Variants in WT1 observed in about 807,000 individuals in gnomAD.
WT1 encodes the protein Wilms tumor protein.
In WT1, 8 loss-of-function variants were observed where a neutral mutation model predicts 60.8. The ratio of observed to expected loss-of-function variants is 0.13; its 90% CI spans 0.08 to 0.24. The LOEUF is 0.24. WT1 is among the 10% of genes least tolerant of loss of function. The probability of loss-of-function intolerance (pLI) is 1.00; values close to 1 mark genes in which losing one functional copy is unlikely to be tolerated. For synonymous variants in WT1, 312 were observed against 297.1 expected (o/e 1.05, Z -0.52); for missense variants, 568 against 711.8 (o/e 0.80, Z 2.30).
At chr11:32,428,126 G>T in intron 2 of WT1, 68 bp from the exon 3 acceptor site, 1 of 1,387,404 alleles carries the variant, frequency 7.2e-7, no homozygotes. Context: ...GCTGCGGGCA[G>T]GGGTTGGGGG....
At position 32,416,470 on chromosome 11, in the gene WT1, T is replaced by C. The variant is rs757572403; in HGVS notation, c.1016+20A>G. On this transcript the variant is annotated intron_variant, in intron 5 of 9. Transcript: ENST00000452863. Reference sequence around the variant, plus strand: ...AAGGCCTACGCCATTTGCTTTGCCATCTCCGCATTGTCCACTCACTTGCTC... The same window carrying C: ...AAGGCCTACGCCATTTGCTTTGCCACCTCCGCATTGTCCACTCACTTGCTC... 1 of 1,614,114 alleles carries C rather than the reference T, an allele frequency of 6.2e-7. No homozygotes were observed. The highest frequency in any genetic ancestry group is 8.5e-7 in the Non-Finnish European group (1 of 1,179,994).
chr11:32,413,230 A>C (rs535540612), intron 5 of WT1, among the ~76,000 whole-genome samples: 5 of 152,304 alleles, frequency 3.3e-5, no homozygotes, highest in Admixed American at 3.3e-4. Flanking sequence ...CATGAACCAA[A>C]TCACCAGTTT....
At chr11:32,420,676 T>C (rs1852825860) in intron 3 of WT1, among the ~76,000 whole-genome samples, 1 of 152,102 alleles carries the variant, frequency 6.6e-6, no homozygotes, top group African/African-American at 2.4e-5. Flanking sequence ...CTCATTACCA[T>C]TTATATAATA....
At chr11:32,430,799 G>T in intron 1 of WT1, 1 of 1,311,832 alleles carries the variant, frequency 7.6e-7, no homozygotes, top group Non-Finnish European at 9.7e-7. Context: ...CCCCGGGAGG[G>T]GCAGTGGTGA....
At chr11:32,396,057 G>A (rs1226068794) in intron 7 of WT1, among the ~76,000 whole-genome samples, 200 bp downstream of exon 7, 1 of 152,180 alleles carries the variant, frequency 6.6e-6, no homozygotes, top group African/African-American at 2.4e-5. Context: ...CTGGAAGACA[G>A]TTTACTGACC....
chr11:32,428,176 G>T, intron 2 of WT1, 118 bp from the exon 3 acceptor site: 1 of 1,025,076 alleles, frequency 9.8e-7, no homozygotes, highest in Non-Finnish European at 1.4e-6. Context: ...GGGCCTGGAT[G>T]AGCGGCGTGC....
intron 5 of WT1, among the ~76,000 whole-genome samples, chr11:32,409,112 T>C (rs1852415449): frequency 6.6e-6 from 1 of 152,222 alleles, no homozygotes; most frequent in Non-Finnish European, 1.5e-5. Flanking sequence ...AGATACTGGA[T>C]TATCCACATT....
In WT1 at chr11:32,435,501, G is replaced by A. The variant is rs908892987; in HGVS notation, c.-141C>T. ...GCGGTCGGGTTGCGGAGAGCCCCCG[G>A]GTGTGGGCGCTGCCTTGAACTCCTT... is the stretch of plus-strand genomic sequence containing the variant. On this transcript the variant is annotated 5_prime_UTR_variant, in exon 1 of 10. Coordinates refer to ENST00000452863, the MANE Select transcript of WT1 (RefSeq NM_024426.6). 86 of 1,342,104 alleles carry A rather than the reference G, an allele frequency of 6.4e-5. 5 individuals carry two copies. The highest frequency in any genetic ancestry group is 5.2e-4 in the Middle Eastern group (2 of 3,824). The allele number at this position is 1,342,104 out of a possible 1,614,324, so 83.1% of individuals were successfully genotyped here. A position where few individuals can be genotyped will look rare whatever the true frequency, so the allele number is the denominator to read the frequency against.
At chr11:32,390,404 G>T (rs1217659394) in intron 9 of WT1, among the ~76,000 whole-genome samples, 4 of 152,092 alleles carry the variant, frequency 2.6e-5, no homozygotes, top group Non-Finnish European at 5.9e-5. Flanking sequence ...GTGTCAAAGG[G>T]ACTATAACAC....
chr11:32,407,053 C>T (rs925062764), intron 5 of WT1, among the ~76,000 whole-genome samples: 1 of 151,960 alleles, frequency 6.6e-6, no homozygotes, highest in Non-Finnish European at 1.5e-5. Context: ...GAGCCAAGAT[C>T]GTACCACTGC....
Position 32,396,259 on chromosome 11 carries a change from G to C in WT1, c.1262C>G (p.Thr421Ser), listed in dbSNP as rs1291615896. 1 of 1,614,082 alleles carries C rather than the reference G, an allele frequency of 6.2e-7. No individual in the cohort carries two copies. ...GACTGGACAGCGGGCACACTTACCA[G>C]TGTGCTTCCTGCTGTGCATCTGTAA... Residue 421 changes from threonine to serine, a missense_variant and splice_region_variant, in exon 7 of 10, where the codon ACT (threonine) becomes AGT (serine). Thr to Ser is a moderately conservative substitution (Grantham distance 58, BLOSUM62 1). Around this residue, in one of 3 missense-constraint regions of WT1, gnomAD observed 16 missense variants for 99.8 expected, o/e 0.16. Transcript: ENST00000452863.
At chr11:32,428,828 T>C in intron 1 of WT1, 1 of 705,334 alleles carries the variant, frequency 1.4e-6, no homozygotes, top group South Asian at 1.7e-5. Flanking sequence ...GGCTTCTCCA[T>C]CCTTTTCTGA....
At chr11:32,389,981 A>C (rs1398660897) in intron 9 of WT1, among the ~76,000 whole-genome samples, 3 of 151,994 alleles carry the variant, frequency 2.0e-5, no homozygotes, top group African/African-American at 7.2e-5. Context: ...AACCTCATGT[A>C]CTCCTTACAA....
At chr11:32,404,340 T>C (rs748211289) in intron 5 of WT1, among the ~76,000 whole-genome samples, 26 of 151,940 alleles carry the variant, frequency 1.7e-4, no homozygotes, top group Non-Finnish European at 3.7e-4. Flanking sequence ...GTAGACTTCC[T>C]TTTGAGACAT....
At position 32,395,017 on chromosome 11, in the gene WT1, C is replaced by T. The variant is rs186269989; in HGVS notation, c.1264+1240G>A. 3.3e-5 allele frequency among the ~76,000 whole-genome samples: 5 copies of T among 152,336 alleles called. No homozygotes were observed. The East Asian group carries it at 9.6e-4, about 29-fold the overall frequency. On this transcript the variant is annotated intron_variant, in intron 7 of 9. Coordinates refer to ENST00000452863, the MANE Select transcript of WT1 (RefSeq NM_024426.6). Reference sequence around the variant, plus strand: ...GGAAATGTGTAAAAACATAACATGCCACTGGTCCCCTCCTTTTTAGCCTCA... The same window carrying T: ...GGAAATGTGTAAAAACATAACATGCTACTGGTCCCCTCCTTTTTAGCCTCA...
chr11:32,400,741 G>A (rs1027101565), intron 5 of WT1: 1 of 159,644 alleles, frequency 6.3e-6, no homozygotes, highest in Admixed American at 5.8e-5. Flanking sequence ...TGAAAGGAAC[G>A]AATGTTCTGT....
intron 9 of WT1, 21 bp downstream of exon 9, chr11:32,391,951 T>C: frequency 6.2e-7 from 1 of 1,604,358 alleles, no homozygotes; most frequent in South Asian, 1.1e-5. Flanking sequence ...GAAAAATAAA[T>C]GTGAAGAAAA....
At chr11:32,410,276 A>G (rs1315068498) in intron 5 of WT1, among the ~76,000 whole-genome samples, 1 of 152,180 alleles carries the variant, frequency 6.6e-6, no homozygotes, top group African/African-American at 2.4e-5. Context: ...ACAAACATAC[A>G]GATACTTCTA....
intron 6 of WT1, among the ~76,000 whole-genome samples, chr11:32,399,116 A>T (rs1247045893): frequency 6.7e-6 from 1 of 150,022 alleles, no homozygotes; most frequent in Non-Finnish European, 1.5e-5. Flanking sequence ...AGATAGCGCC[A>T]CTGTACTCCA....
Sources: allele counts gnomAD v4.1 joint callset (sites outside exome capture counted in the v4.1 genomes callset), GRCh38; gene constraint gnomAD v4.1.1; regional missense constraint gnomAD v4.1.1; transcripts MANE v1.5; gene names NCBI Gene and HGNC (gene_info 2026-07-23, HGNC 2026-07-21).